Variants in TANGO6 observed in about 807,000 individuals in gnomAD.
TANGO6 encodes the protein transport and golgi organization 6 homolog, also known as transport and Golgi organization protein 6 homolog.
TANGO6 carries 90 observed loss-of-function variants against 114.2 expected under a neutral mutation model. The ratio of observed to expected loss-of-function variants is 0.79; its 90% CI spans 0.66 to 0.94. The LOEUF (loss-of-function observed/expected upper bound fraction) is 0.94. TANGO6 is among the 40% of genes least tolerant of loss of function. The probability of loss-of-function intolerance (pLI) is 0.00; values close to 1 mark genes in which losing one functional copy is unlikely to be tolerated. For synonymous variants in TANGO6, 477 were observed against 509.8 expected, an observed-to-expected ratio of 0.94 and a Z score of 0.87; for missense variants, 1,274 against 1,315.3, an observed-to-expected ratio of 0.97 and a Z score of 0.49.
In TANGO6 at chr16:69,002,004, T is replaced by TA. The variant is rs898262827; in HGVS notation, c.2843-20815dup. 1.5e-4 allele frequency among the ~76,000 whole-genome samples: 22 copies of TA among 150,676 alleles called. 1 individual carries two copies. Among genetic ancestry groups the TA allele is most frequent in the South Asian group, 2.1e-4 (1 of 4,784 alleles). On this transcript the variant is annotated intron_variant, in intron 15 of 17. Coordinates refer to ENST00000261778, the MANE Select transcript of TANGO6 (RefSeq NM_024562.2). ...AAATAATTTCTGATACCCCCAAAAGTAAAAAAAAAGATAAAGTAATGTGAT... is the reference window on the plus strand; with the variant it reads ...AAATAATTTCTGATACCCCCAAAAGTAAAAAAAAAAGATAAAGTAATGTGAT...
intron 14 of TANGO6, among the ~76,000 whole-genome samples, chr16:68,948,538 C>T (rs1196283111): frequency 6.6e-6 from 1 of 152,036 alleles, no homozygotes; most frequent in Non-Finnish European, 1.5e-5. Flanking sequence ...AATCATAGTG[C>T]CCTCATTCTT....
intron 11 of TANGO6, 90 bp from the exon 12 acceptor site, chr16:68,918,992 TGAA>T (rs1490732671): frequency 3.0e-5 from 43 of 1,423,056 alleles, no homozygotes; most frequent in Admixed American, 4.6e-5. Flanking sequence ...ATGATGTAGA[TGAA>T]GAAGATGAGG....
At chr16:69,062,674 T>A (rs1477629794) in intron 17 of TANGO6, among the ~76,000 whole-genome samples, 1 of 150,122 alleles carries the variant, frequency 6.7e-6, no homozygotes, top group Non-Finnish European at 1.5e-5. Flanking sequence ...GGTTTCACCA[T>A]GTGGGCGAGG....
chr16:68,865,873 G>C (rs577398242), intron 3 of TANGO6, among the ~76,000 whole-genome samples: 1 of 151,784 alleles, frequency 6.6e-6, no homozygotes. Flanking sequence ...AGCCGAGATC[G>C]TGCCACTGCT....
chr16:68,860,183 C>G lies in TANGO6; in HGVS notation c.394C>G (p.Leu132Val), dbSNP rs1962068133. Residue 132 changes from leucine to valine, a missense_variant, in exon 2 of 18, where the codon CTG (leucine) becomes GTG (valine). Transcript: ENST00000261778. ...NPRTPEVAPALSPDALSISQQ... is the reference protein window; with the variant it reads ...NPRTPEVAPAVSPDALSISQQ... Reference sequence around the variant, plus strand: ...TAGGACTCCGGAAGTTGCTCCTGCCCTGAGCCCCGATGCACTTAGTATCTC... The same window carrying G: ...TAGGACTCCGGAAGTTGCTCCTGCCGTGAGCCCCGATGCACTTAGTATCTC... The G allele has an allele frequency of 1.2e-6, 2 of 1,613,898 alleles. No individual in the cohort carries two copies. Among genetic ancestry groups the G allele is most frequent in the Admixed American group, 1.7e-5 (1 of 59,994 alleles).
chr16:69,069,509 G>A (rs1203046643), intron 17 of TANGO6, among the ~76,000 whole-genome samples: 1 of 152,196 alleles, frequency 6.6e-6, no homozygotes, highest in African/African-American at 2.4e-5. Flanking sequence ...GGATTCTGGA[G>A]TCTTCTCTTC....
At chr16:68,883,774 G>A (rs1395337169) in intron 7 of TANGO6, among the ~76,000 whole-genome samples, 3 of 152,098 alleles carry the variant, frequency 2.0e-5, no homozygotes, top group Non-Finnish European at 2.9e-5. Context: ...CATTCCCATC[G>A]GCAGTATATG....
At chr16:68,956,832 G>T (rs890769713) in intron 14 of TANGO6, among the ~76,000 whole-genome samples, 1 of 152,090 alleles carries the variant, frequency 6.6e-6, no homozygotes, top group African/African-American at 2.4e-5. Context: ...CAGCCTGGGC[G>T]ACGGAGTAAG....
chr16:69,015,828 A>G (rs566811669), intron 15 of TANGO6, among the ~76,000 whole-genome samples: 1 of 152,240 alleles, frequency 6.6e-6, no homozygotes, highest in South Asian at 2.1e-4. Flanking sequence ...TAGGGCAGGA[A>G]TTTACATAAA....
At chr16:68,987,855 G>C (rs1456327114) in intron 15 of TANGO6, among the ~76,000 whole-genome samples, 1 of 152,144 alleles carries the variant, frequency 6.6e-6, no homozygotes, top group Non-Finnish European at 1.5e-5. Context: ...GTGCATTGTG[G>C]GAAAAGAATT....
rs10687062 is a variant in TANGO6, at chr16:69,072,122, C to CGTGTGTGTGTGT, written c.3109-11342_3109-11331dup. 1.5e-3 allele frequency among the ~76,000 whole-genome samples: 177 copies of CGTGTGTGTGTGT among 116,678 alleles called. 1 individual carries two copies. Among genetic ancestry groups the CGTGTGTGTGTGT allele is most frequent in the Middle Eastern group, 4.5e-3 (1 of 224 alleles). The allele number at this position is 116,678 out of a possible 152,430, so 76.5% of individuals were successfully genotyped here. On this transcript the variant is annotated intron_variant, in intron 17 of 17. Coordinates refer to ENST00000261778, the MANE Select transcript of TANGO6 (RefSeq NM_024562.2). ...TGTATGTGTGAAGAGAGAGGGAGAC[C>CGTGTGTGTGTGT]GTGTGTGTGTGTGTGTGTGTGTGTG...
rs1199627677 is a variant in TANGO6 at position 68,867,575 on chromosome 16, C to T, written c.994+355C>T. ...TAGGTGTGGGCCGGGCGCGGTGGCT[C>T]ACGCCTGTAATCCCAGCACTTTGGG... is the stretch of plus-strand genomic sequence containing the variant. On this transcript the variant is annotated intron_variant, in intron 4 of 17. Coordinates refer to ENST00000261778, the MANE Select transcript of TANGO6 (RefSeq NM_024562.2). The T allele has an allele frequency of 2.1e-5, 4 of 192,024 alleles. No homozygotes were observed. In the South Asian group the frequency reaches 2.8e-4, roughly 14 times the overall value. 11.9% of individuals were successfully genotyped at this position (192,024 alleles called of 1,614,324 possible).
At chr16:69,033,385 T>G (rs1597065844) in intron 16 of TANGO6, among the ~76,000 whole-genome samples, 2 of 152,260 alleles carry the variant, frequency 1.3e-5, no homozygotes, top group African/African-American at 4.8e-5. Flanking sequence ...GCAAGTATGC[T>G]AGAAGACACA....
At chr16:68,998,832 A>G (rs1964015979) in intron 15 of TANGO6, among the ~76,000 whole-genome samples, 1 of 152,078 alleles carries the variant, frequency 6.6e-6, no homozygotes, top group Non-Finnish European at 1.5e-5. Flanking sequence ...TATTTGCCAT[A>G]GAAACTCCTT....
intron 12 of TANGO6, among the ~76,000 whole-genome samples, chr16:68,924,453 C>A (rs1309278554): frequency 6.6e-6 from 1 of 151,586 alleles, no homozygotes; most frequent in Non-Finnish European, 1.5e-5. Flanking sequence ...CACCATTGCA[C>A]TCCAGCCTGG....
chr16:68,857,111 A>AAAAAAC (rs574213816), intron 1 of TANGO6, among the ~76,000 whole-genome samples: 211 of 152,304 alleles, frequency 1.4e-3, no homozygotes, highest in African/African-American at 4.7e-3. Context: ...TGTCTCAAAT[A>AAAAAAC]AAAAACAAAA....
At chr16:69,017,699 G>A (rs1390710464) in intron 15 of TANGO6, among the ~76,000 whole-genome samples, 1 of 152,012 alleles carries the variant, frequency 6.6e-6, no homozygotes, top group South Asian at 2.1e-4. Context: ...TGTCTCACTG[G>A]CTCATCTCCA....
chr16:68,961,301 G>A (rs896806218), intron 14 of TANGO6, among the ~76,000 whole-genome samples: 1 of 152,224 alleles, frequency 6.6e-6, no homozygotes, highest in Non-Finnish European at 1.5e-5. Context: ...CTGCTGCCAG[G>A]TGCGCTGTCA....
chr16:68,960,209 T>C (rs1963575014), intron 14 of TANGO6, among the ~76,000 whole-genome samples: 1 of 152,138 alleles, frequency 6.6e-6, no homozygotes, highest in Non-Finnish European at 1.5e-5. Context: ...TTTCGCTGAA[T>C]GCTTAGGGCA....
Sources: gnomAD v4.1 joint callset for allele counts (sites outside exome capture counted in the v4.1 genomes callset) on GRCh38, gnomAD v4.1.1 for gene constraint, MANE v1.5 for transcripts, NCBI Gene and HGNC (gene_info 2026-07-23, HGNC 2026-07-21) for gene names.